ADGRB3: variants seen among roughly 807,000 people sequenced by gnomAD.
ADGRB3 encodes brain-specific angiogenesis inhibitor 3.
ADGRB3 carries 37 observed loss-of-function variants against 193.4 expected under a neutral mutation model. The ratio of observed to expected loss-of-function variants is 0.19; its 90% CI spans 0.15 to 0.25. The LOEUF is 0.25. Among genes scored for constraint, ADGRB3 ranks in the 10% least tolerant of loss-of-function variants. The probability of loss-of-function intolerance (pLI) is 1.00; values close to 1 mark genes in which losing one functional copy is unlikely to be tolerated. For synonymous variants in ADGRB3, 690 were observed against 644.2 expected, an observed-to-expected ratio of 1.07 and a Z score of -1.08; for missense variants, 1,637 against 1,852.9, an observed-to-expected ratio of 0.88 and a Z score of 2.14.
At chr6:69,049,912 T>C (rs753694490) in intron 15 of ADGRB3, among the ~76,000 whole-genome samples, 4 of 152,230 alleles carry the variant, frequency 2.6e-5, no homozygotes, top group Non-Finnish European at 5.9e-5. Flanking sequence ...TTACAAATAG[T>C]AATTCTACCA....
chr6:68,922,236 A>T (rs1039113001), intron 3 of ADGRB3, among the ~76,000 whole-genome samples: 4 of 152,308 alleles, frequency 2.6e-5, no homozygotes, highest in African/African-American at 7.2e-5. Context: ...ATGGGTGCTC[A>T]TTTAATGTTT....
At chr6:68,760,942 T>C (rs180921426) in intron 3 of ADGRB3, among the ~76,000 whole-genome samples, 12 of 152,342 alleles carry the variant, frequency 7.9e-5, no homozygotes, top group Admixed American at 2.0e-4. Context: ...AATTTTTCCT[T>C]TTGCTAAACT....
chr6:69,339,432 A>G lies in ADGRB3; in HGVS notation c.3387A>G (p.Gln1129=), dbSNP rs767135590. 61 of 1,613,886 alleles carry G rather than the reference A, an allele frequency of 3.8e-5. No individual in the cohort carries two copies. The highest frequency in any genetic ancestry group is 4.1e-5 in the Non-Finnish European group (48 of 1,179,932). The part of the protein sequence containing the change: ...AMTDKRSILF[Q]ILFAVFDSLQ... ...CAGATAAACGCTCCATATTGTTTCAAATACTTTTTGCTGTGTTTGATTCAT... is the reference window on the plus strand; with the variant it reads ...CAGATAAACGCTCCATATTGTTTCAGATACTTTTTGCTGTGTTTGATTCAT... The change falls in exon 26 of 32, where the codon CAA becomes CAG. Residue 1129 remains glutamine (Q), a synonymous_variant. Transcript: ENST00000370598.
chr6:69,008,109 C>A (rs1007323840), intron 11 of ADGRB3, among the ~76,000 whole-genome samples: 1 of 152,096 alleles, frequency 6.6e-6, no homozygotes, highest in African/African-American at 2.4e-5. Context: ...TTAAAGGCCC[C>A]AACTCTTAAT....
At chr6:68,769,331 C>T (rs1423158330) in intron 3 of ADGRB3, among the ~76,000 whole-genome samples, 4 of 152,166 alleles carry the variant, frequency 2.6e-5, no homozygotes, top group Non-Finnish European at 5.9e-5. Context: ...AAATATGGCA[C>T]ATATACACCA....
chr6:69,308,644 A>T (rs1417542294), intron 20 of ADGRB3, among the ~76,000 whole-genome samples: 1 of 151,708 alleles, frequency 6.6e-6, no homozygotes, highest in Non-Finnish European at 1.5e-5. Flanking sequence ...TAACATAGAA[A>T]AGATAAAAGA....
At chr6:69,234,953 G>A in intron 18 of ADGRB3, 79 bp from the exon 19 acceptor site, 1 of 1,124,912 alleles carries the variant, frequency 8.9e-7, no homozygotes, top group Non-Finnish European at 1.3e-6. Context: ...TGAGTGATAG[G>A]TTAGCTTTGC....
intron 17 of ADGRB3, among the ~76,000 whole-genome samples, chr6:69,161,506 T>G (rs2150344686): frequency 6.6e-6 from 1 of 152,266 alleles, no homozygotes; most frequent in East Asian, 1.9e-4. Flanking sequence ...TGGGCCTCCC[T>G]TCTAAAATTT....
chr6:68,819,761 TAAAC>T (rs766157833), intron 3 of ADGRB3, among the ~76,000 whole-genome samples: 6 of 152,058 alleles, frequency 3.9e-5, no homozygotes, highest in African/African-American at 9.7e-5. Context: ...TGTATACAGA[TAAAC>T]AAAATAGATA....
rs569651227 is a variant in ADGRB3, at chr6:68,944,261, G to C, written c.1195+267G>C. ...ATATTTTTCACTAAGACTTTTATCTGCACTTGCTTTTTCCTTCTGGGAAAA... is the reference window on the plus strand; with the variant it reads ...ATATTTTTCACTAAGACTTTTATCTCCACTTGCTTTTTCCTTCTGGGAAAA... On this transcript the variant is annotated intron_variant, in intron 6 of 31. Coordinates refer to ENST00000370598, the MANE Select transcript of ADGRB3 (RefSeq NM_001704.3). 8.8e-4 allele frequency among the ~76,000 whole-genome samples: 134 copies of C among 152,156 alleles called. 1 individual carries two copies. The highest frequency in any genetic ancestry group is 3.2e-3 in the African/African-American group (132 of 41,532).
intron 17 of ADGRB3, among the ~76,000 whole-genome samples, chr6:69,185,577 T>G (rs1664241046): frequency 6.6e-6 from 1 of 152,196 alleles, no homozygotes; most frequent in Admixed American, 6.5e-5. Context: ...CTCTGAAGAA[T>G]GAAATGAACT....
At chr6:69,193,467 G>C (rs1359718890) in intron 17 of ADGRB3, among the ~76,000 whole-genome samples, 1 of 151,996 alleles carries the variant, frequency 6.6e-6, no homozygotes, top group Non-Finnish European at 1.5e-5. Flanking sequence ...TTTTATTCAG[G>C]CCTTTCTTGT....
At chr6:69,037,399 G>C (rs1770904821) in intron 13 of ADGRB3, among the ~76,000 whole-genome samples, 1 of 152,174 alleles carries the variant, frequency 6.6e-6, no homozygotes, top group South Asian at 2.1e-4. Context: ...TTAGGTAGTT[G>C]CAACAGAAGC....
At chr6:68,688,944 A>T (rs1765025967) in intron 3 of ADGRB3, among the ~76,000 whole-genome samples, 1 of 152,086 alleles carries the variant, frequency 6.6e-6, no homozygotes, top group East Asian at 1.9e-4. Flanking sequence ...ACTCTGTCAG[A>T]TTATAGATTT....
intron 20 of ADGRB3, among the ~76,000 whole-genome samples, chr6:69,245,210 G>A (rs757993304): frequency 6.6e-6 from 1 of 151,928 alleles, no homozygotes; most frequent in African/African-American, 2.4e-5. Flanking sequence ...ATCAGGTATT[G>A]ATCATACTGC....
At chr6:68,822,560 T>C (rs1317458138) in intron 3 of ADGRB3, among the ~76,000 whole-genome samples, 1 of 151,978 alleles carries the variant, frequency 6.6e-6, no homozygotes, top group South Asian at 2.1e-4. Context: ...AGTATTCCTA[T>C]TGTTTAGCAC....
intron 17 of ADGRB3, among the ~76,000 whole-genome samples, chr6:69,219,517 A>C (rs191627030): frequency 7.1e-6 from 1 of 141,008 alleles, no homozygotes; most frequent in East Asian, 2.0e-4. Flanking sequence ...ATAGGTATAT[A>C]TGTGTGTGTA....
intron 1 of ADGRB3, among the ~76,000 whole-genome samples, chr6:68,636,335 A>C (rs1026233775): frequency 2.8e-4 from 43 of 151,970 alleles, no homozygotes; most frequent in African/African-American, 9.4e-4. Flanking sequence ...TTGGGGGGAA[A>C]AATCTGTGGA....
intron 17 of ADGRB3, among the ~76,000 whole-genome samples, chr6:69,199,708 G>A (rs1261665316): frequency 1.3e-5 from 2 of 152,088 alleles, no homozygotes; most frequent in Non-Finnish European, 2.9e-5. Context: ...TAGCTTGGGG[G>A]TAATGTGGAA....
Sources: allele counts gnomAD v4.1 joint callset (sites outside exome capture counted in the v4.1 genomes callset), GRCh38; gene constraint gnomAD v4.1.1; transcripts MANE v1.5; gene names NCBI Gene and HGNC (gene_info 2026-07-23, HGNC 2026-07-21).